Variants in PDXDC1 observed in about 807,000 individuals in gnomAD.
PDXDC1 encodes the protein pyridoxal-dependent decarboxylase domain-containing protein 1.
A neutral mutation model predicts 100.1 loss-of-function variants in PDXDC1; 42 were observed. That is an observed-to-expected ratio of 0.42 (90% CI 0.33 to 0.54). PDXDC1 has a LOEUF of 0.54. Among genes scored for constraint, PDXDC1 ranks in the 20% least tolerant of loss-of-function variants. The pLI, the probability that PDXDC1 is intolerant of heterozygous loss-of-function variation, is 0.10. For synonymous variants in PDXDC1, 260 were observed against 371.7 expected, an observed-to-expected ratio of 0.70 and a Z score of 3.46; for missense variants, 636 against 979.2, an observed-to-expected ratio of 0.65 and a Z score of 4.68.
intron 3 of PDXDC1, among the ~76,000 whole-genome samples, chr16:14,999,099 G>A (rs1254748797): frequency 3.9e-5 from 6 of 152,390 alleles, no homozygotes; most frequent in Middle Eastern, 3.4e-3. Context: ...ACAGAGTCTC[G>A]CTCTGTCGCC....
chr16:15,032,669 A>AAAAAAAAAAAAAAAAAAT, intron 17 of PDXDC1, 192 bp from the exon 18 acceptor site: 1 of 448,488 alleles, frequency 2.2e-6, no homozygotes, highest in Non-Finnish European at 3.9e-6. Context: ...AAAAAAAAAA[A>AAAAAAAAAAAAAAAAAAT]GGCTTTCCTG....
intron 16 of PDXDC1, among the ~76,000 whole-genome samples, chr16:15,093,582 A>T (rs1011957298): frequency 6.6e-6 from 1 of 152,156 alleles, no homozygotes; most frequent in African/African-American, 2.4e-5. Context: ...TATTACGCTA[A>T]TTGTTTTACA....
At chr16:15,091,843 T>C (rs2046141133) in intron 16 of PDXDC1, among the ~76,000 whole-genome samples, 1 of 152,188 alleles carries the variant, frequency 6.6e-6, no homozygotes. Flanking sequence ...AGAGAACTGG[T>C]TTACTGTCCC....
downstream of PDXDC1, chr16:15,038,597 G>A: frequency 1.3e-6 from 2 of 1,598,056 alleles, no homozygotes; most frequent in Non-Finnish European, 1.7e-6. Context: ...TTGTCATCTT[G>A]GTGCAACCAG....
chr16:15,028,747 A>G (rs534257102), intron 14 of PDXDC1, 131 bp from the exon 15 acceptor site: 4 of 775,462 alleles, frequency 5.2e-6, no homozygotes, highest in East Asian at 2.7e-5. Flanking sequence ...CAGATAATAC[A>G]TGAGAATTCA....
chr16:14,988,203 T>C, intron 1 of PDXDC1: 2 of 1,611,780 alleles, frequency 1.2e-6, no homozygotes, highest in Non-Finnish European at 1.7e-6. Flanking sequence ...GCAGTGGGAC[T>C]TTCAGTGCTG....
At chr16:15,042,046 G>A (rs976063891), downstream of PDXDC1, among the ~76,000 whole-genome samples, 1 of 152,170 alleles carries the variant, frequency 6.6e-6, no homozygotes, top group African/African-American at 2.4e-5. Flanking sequence ...TCTGGCCACT[G>A]TAACAGATCT....
At chr16:15,125,944 C>T (rs1598201092) in intron 16 of PDXDC1, 1 of 617,226 alleles carries the variant, frequency 1.6e-6, no homozygotes. Flanking sequence ...ATATATGGGA[C>T]ATCTGCACCG....
rs116890579 is a variant in PDXDC1 at position 15,047,396 on chromosome 16, C to T, written c.1399+17340C>T. On this transcript the variant is annotated intron_variant, in intron 16 of 16. Coordinates refer to the PDXDC1 transcript ENST00000535621. ...TTCCACAGCCACGTCCTGTATGCGA[C>T]GGTTCCAAGATCTCAATTCACCTAT... 5.9e-3 allele frequency: 7,340 copies of T among 1,252,566 alleles called. 459 individuals carry two copies. In the East Asian group the frequency reaches 0.14, roughly 24 times the overall value. 77.6% of individuals were successfully genotyped at this position (1,252,566 alleles called of 1,614,324 possible).
intron 4 of PDXDC1, among the ~76,000 whole-genome samples, chr16:15,002,929 G>A (rs575514255): frequency 7.2e-5 from 11 of 152,320 alleles, no homozygotes; most frequent in African/African-American, 2.2e-4. Context: ...ACCAAGTGAC[G>A]TGTCTTTTTG....
At chr16:15,142,003 G>A (rs2048483178), downstream of PDXDC1, among the ~76,000 whole-genome samples, 1 of 152,174 alleles carries the variant, frequency 6.6e-6, no homozygotes, top group Non-Finnish European at 1.5e-5. Context: ...TGCTGCAGAG[G>A]CCACGGTGAA....
At chr16:15,052,229 C>A (rs2044321324) in intron 16 of PDXDC1, among the ~76,000 whole-genome samples, 1 of 152,144 alleles carries the variant, frequency 6.6e-6, no homozygotes, top group South Asian at 2.1e-4. Context: ...TGGCTGTGTT[C>A]CAATAAAACT....
chr16:15,124,237 C>T (rs1230692414), intron 16 of PDXDC1, among the ~76,000 whole-genome samples: 1 of 152,194 alleles, frequency 6.6e-6, no homozygotes, highest in African/African-American at 2.4e-5. Context: ...CAGACCCCCA[C>T]TGTCCATCAC....
At chr16:15,143,478 G>A (rs1598296505), downstream of PDXDC1, among the ~76,000 whole-genome samples, 1 of 152,304 alleles carries the variant, frequency 6.6e-6, no homozygotes, top group African/African-American at 2.4e-5. Context: ...CCGGGCGTGT[G>A]AACCCCAGGT....
At chr16:15,005,219 C>T (rs571557597) in intron 5 of PDXDC1, among the ~76,000 whole-genome samples, 4 of 151,018 alleles carry the variant, frequency 2.6e-5, no homozygotes, top group East Asian at 4.0e-4. Context: ...ATTAGCCGGG[C>T]GTGGTAGTGA....
chr16:15,101,951 C>T (rs1328808837), intron 16 of PDXDC1, among the ~76,000 whole-genome samples: 9 of 151,554 alleles, frequency 5.9e-5, no homozygotes, highest in Non-Finnish European at 1.0e-4. Flanking sequence ...TGGGTTCAAG[C>T]GATTCTCCTG....
intron 1 of PDXDC1, among the ~76,000 whole-genome samples, chr16:14,987,809 G>C (rs1243883976): frequency 2.0e-5 from 3 of 152,238 alleles, no homozygotes; most frequent in Admixed American, 6.5e-5. Context: ...ACGGGGTTTT[G>C]CTATGTTGGC....
chr16:14,979,550 A>G (rs1234861014), intron 1 of PDXDC1, among the ~76,000 whole-genome samples: 1 of 152,284 alleles, frequency 6.6e-6, no homozygotes, highest in Non-Finnish European at 1.5e-5. Flanking sequence ...TCGGCCTCCC[A>G]AAGTGCTGGG....
intron 16 of PDXDC1, among the ~76,000 whole-genome samples, chr16:15,093,432 G>A (rs981642001): frequency 3.3e-5 from 5 of 152,058 alleles, no homozygotes; most frequent in Non-Finnish European, 5.9e-5. Context: ...CATCGTGTTC[G>A]TTTATTTATT....
Sources: allele counts gnomAD v4.1 joint callset (sites outside exome capture counted in the v4.1 genomes callset), GRCh38; gene constraint gnomAD v4.1.1; transcripts MANE v1.5; gene names NCBI Gene and HGNC (gene_info 2026-07-23, HGNC 2026-07-21).